Variants in GRM7 observed in about 807,000 individuals in gnomAD.
The protein encoded by GRM7 is metabotropic glutamate receptor 7.
A neutral mutation model predicts 84.5 loss-of-function variants in GRM7; 35 were observed. That is an observed-to-expected ratio of 0.41 (90% CI 0.32 to 0.55). The LOEUF is 0.55. Ranked by LOEUF, GRM7 falls within the 20% of genes least tolerant of loss-of-function variation. The probability of loss-of-function intolerance (pLI) is 0.19; values close to 1 mark genes in which losing one functional copy is unlikely to be tolerated. For missense variants in GRM7, 1,003 were observed against 1,194.6 expected, an observed-to-expected ratio of 0.84 and a Z score of 2.36; for synonymous variants, 487 against 455.1, an observed-to-expected ratio of 1.07 and a Z score of -0.89.
chr3:7,723,862 T>G (rs1702033623), intron 9 of GRM7, among the ~76,000 whole-genome samples: 1 of 151,994 alleles, frequency 6.6e-6, no homozygotes, highest in Admixed American at 6.6e-5. Flanking sequence ...AAACATTTTT[T>G]TAATAAAAAA....
At position 7,210,994 on chromosome 3, in the gene GRM7, T is replaced by G. The variant is rs1202497162; in HGVS notation, c.736+64326T>G. The stretch of plus-strand genomic sequence containing the variant: ...GGTGCTAAGTCATAGGAAGTAATAT[T>G]ATCCACCAGTTTCATTCCCAGGTGA... On this transcript the variant is annotated intron_variant, in intron 2 of 9. Coordinates refer to ENST00000357716, the MANE Select transcript of GRM7 (RefSeq NM_000844.4). Among the ~76,000 whole-genome samples the G allele has an allele frequency of 2.6e-5, 4 of 152,186 alleles. 1 individual carries two copies. Among genetic ancestry groups the G allele is most frequent in the African/African-American group, 9.7e-5 (4 of 41,440 alleles).
Position 7,693,583 on chromosome 3 carries a change from T to C in GRM7, c.2698+13288T>C, listed in dbSNP as rs762340961. Reference sequence around the variant, plus strand: ...CAAATTTCATTTGCATTTAATTTCCTGTGGTTTGCCAAAGTCCAGACTGAG... The same window carrying C: ...CAAATTTCATTTGCATTTAATTTCCCGTGGTTTGCCAAAGTCCAGACTGAG... On this transcript the variant is annotated intron_variant, in intron 9 of 9. Coordinates refer to ENST00000357716, the MANE Select transcript of GRM7 (RefSeq NM_000844.4). 70 of 1,105,412 alleles carry C rather than the reference T, an allele frequency of 6.3e-5. 1 individual carries two copies. The African/African-American group carries it at 9.4e-4, about 15-fold the overall frequency. 68.5% of individuals were successfully genotyped at this position (1,105,412 alleles called of 1,614,324 possible).
intron 1 of GRM7, among the ~76,000 whole-genome samples, chr3:6,917,428 A>G (rs550633865): frequency 6.6e-6 from 1 of 151,384 alleles, no homozygotes; most frequent in Admixed American, 6.6e-5. Context: ...ATGCAAATTG[A>G]TTGAAATATA....
At position 7,427,597 on chromosome 3, in the gene GRM7, A is replaced by G. The variant is rs2124841329; in HGVS notation, c.1174+12434A>G. Among the ~76,000 whole-genome samples the G allele has an allele frequency of 1.3e-5, 2 of 152,348 alleles. 1 individual carries two copies. Among genetic ancestry groups the G allele is most frequent in the Middle Eastern group, 6.8e-3 (2 of 294 alleles). ...AATTTTGTCCATCTTTTTAAAAAGT[A>G]CAGTAAGCAATATTTGTTGAACACT... On this transcript the variant is annotated intron_variant, in intron 5 of 9. Coordinates refer to ENST00000357716, the MANE Select transcript of GRM7 (RefSeq NM_000844.4).
intron 1 of GRM7, among the ~76,000 whole-genome samples, chr3:6,962,282 C>G (rs929861098): frequency 1.3e-5 from 2 of 151,910 alleles, no homozygotes; most frequent in Non-Finnish European, 1.5e-5. Flanking sequence ...AATTTTTTGT[C>G]GAATAAATGC....
At chr3:6,933,218 T>G (rs910172995) in intron 1 of GRM7, among the ~76,000 whole-genome samples, 1 of 152,150 alleles carries the variant, frequency 6.6e-6, no homozygotes, top group African/African-American at 2.4e-5. Flanking sequence ...GCTTTTACAA[T>G]TATATTATAG....
chr3:7,652,640 C>A (rs555141471), intron 8 of GRM7, among the ~76,000 whole-genome samples: 6 of 152,120 alleles, frequency 3.9e-5, no homozygotes, highest in Non-Finnish European at 8.8e-5. Context: ...GCAGTTTGCA[C>A]CCCATGGCTC....
At chr3:7,096,030 A>G (rs1298676372) in intron 1 of GRM7, among the ~76,000 whole-genome samples, 3 of 152,186 alleles carry the variant, frequency 2.0e-5, no homozygotes, top group African/African-American at 7.2e-5. Context: ...TATTGAATAT[A>G]CAATGTTTAC....
At position 7,343,318 on chromosome 3, in the gene GRM7, C is replaced by T. The variant is rs142743059; in HGVS notation, c.1033+36666C>T. On this transcript the variant is annotated intron_variant, in intron 4 of 9. Transcript: ENST00000357716. The stretch of plus-strand genomic sequence containing the variant: ...GCATGGTCATGGCTCACTGCAGCCT[C>T]GACCTCCTAGGCTTAAGCAATCCTC... 7.1e-3 allele frequency among the ~76,000 whole-genome samples: 1,080 copies of T among 152,162 alleles called. 7 individuals carry two copies. The highest frequency in any genetic ancestry group is 0.011 in the Non-Finnish European group (753 of 67,992).
chr3:7,386,826 G>C (rs1308275569), intron 4 of GRM7, among the ~76,000 whole-genome samples: 2 of 152,060 alleles, frequency 1.3e-5, no homozygotes, highest in Non-Finnish European at 2.9e-5. Context: ...TCTGTTTCTT[G>C]TCCTTTGAGA....
In GRM7 at chr3:7,323,058, G is replaced by C. The variant is rs183558566; in HGVS notation, c.1033+16406G>C. Among the ~76,000 whole-genome samples, 287 of 152,192 alleles carry C rather than the reference G, an allele frequency of 1.9e-3. 1 individual carries two copies. Among genetic ancestry groups the C allele is most frequent in the Non-Finnish European group, 3.1e-3 (211 of 68,004 alleles). On this transcript the variant is annotated intron_variant, in intron 4 of 9. Transcript: ENST00000357716. ...TGCCACTGGAGTCTCGCTTCCCCCT[G>C]AACACACGGTGATCTCTGGAGCATG...
At chr3:7,680,371 C>T (rs1700316894) in intron 9 of GRM7, 76 bp downstream of exon 9, 4 of 1,466,714 alleles carry the variant, frequency 2.7e-6, no homozygotes, top group East Asian at 4.5e-5. Flanking sequence ...GTGCTTGCCT[C>T]TCTGGAGAAA....
At chr3:7,467,943 T>C (rs548685591) in intron 7 of GRM7, among the ~76,000 whole-genome samples, 1 of 152,324 alleles carries the variant, frequency 6.6e-6, no homozygotes, top group East Asian at 1.9e-4. Flanking sequence ...TTTCAAAAGT[T>C]GTAATGTTTG....
intron 2 of GRM7, among the ~76,000 whole-genome samples, chr3:7,233,657 A>G (rs1697262674): frequency 6.6e-6 from 1 of 152,154 alleles, no homozygotes; most frequent in South Asian, 2.1e-4. Flanking sequence ...GCTCTGTGCA[A>G]GACCCCTTGT....
intron 4 of GRM7, among the ~76,000 whole-genome samples, chr3:7,330,468 T>A (rs1400936568): frequency 1.3e-5 from 2 of 152,172 alleles, no homozygotes; most frequent in African/African-American, 4.8e-5. Flanking sequence ...GGTTCGGCTC[T>A]GTTCCCACCC....
At chr3:6,994,696 T>A (rs1694772338) in intron 1 of GRM7, among the ~76,000 whole-genome samples, 1 of 152,234 alleles carries the variant, frequency 6.6e-6, no homozygotes, top group African/African-American at 2.4e-5. Context: ...CAGGTTTTAT[T>A]TTTCCTTTGT....
At chr3:7,277,375 G>A (rs1699110599) in intron 2 of GRM7, among the ~76,000 whole-genome samples, 1 of 151,968 alleles carries the variant, frequency 6.6e-6, no homozygotes, top group Middle Eastern at 3.4e-3. Flanking sequence ...AAAGGGAACT[G>A]TCACTTAATG....
At chr3:7,019,787 A>T (rs971358339) in intron 1 of GRM7, among the ~76,000 whole-genome samples, 3 of 152,114 alleles carry the variant, frequency 2.0e-5, no homozygotes, top group African/African-American at 7.2e-5. Context: ...TCTCCCTTTC[A>T]ACATAGAAAT....
intron 7 of GRM7, among the ~76,000 whole-genome samples, chr3:7,471,170 G>T (rs1450564121): frequency 6.6e-6 from 1 of 151,470 alleles, no homozygotes; most frequent in Non-Finnish European, 1.5e-5. Context: ...TATGATATTT[G>T]TGGTCATGTT....
Sources: gnomAD v4.1 joint callset for allele counts (sites outside exome capture counted in the v4.1 genomes callset) on GRCh38, gnomAD v4.1.1 for gene constraint, MANE v1.5 for transcripts, NCBI Gene and HGNC (gene_info 2026-07-23, HGNC 2026-07-21) for gene names.